Variants in EPB41L4A observed in about 807,000 individuals in gnomAD.
EPB41L4A encodes erythrocyte membrane protein band 4.1 like 4A, also known as band 4.1-like protein 4A.
In EPB41L4A, 100 loss-of-function variants were observed where a neutral mutation model predicts 108.6. That is an observed-to-expected ratio of 0.92 (90% confidence interval 0.78 to 1.09). The LOEUF is 1.09. Ranked by LOEUF, EPB41L4A falls within the 50% of genes least tolerant of loss-of-function variation. The probability of loss-of-function intolerance (pLI) is 0.00; values close to 1 mark genes in which losing one functional copy is unlikely to be tolerated. For missense variants in EPB41L4A, 1,030 were observed against 842.7 expected, an observed-to-expected ratio of 1.22 and a Z score of -2.75; for synonymous variants, 319 against 289.0, an observed-to-expected ratio of 1.10 and a Z score of -1.05.
At chr5:112,346,121 A>G (rs1757646347) in intron 1 of EPB41L4A, among the ~76,000 whole-genome samples, 1 of 150,672 alleles carries the variant, frequency 6.6e-6, no homozygotes, top group African/African-American at 2.4e-5. Context: ...TCGTTTTGGG[A>G]TGCCACATCA....
At chr5:112,237,732 A>G (rs894169544) in intron 11 of EPB41L4A, among the ~76,000 whole-genome samples, 1 of 152,182 alleles carries the variant, frequency 6.6e-6, no homozygotes, top group African/African-American at 2.4e-5. Context: ...GACAATAAAC[A>G]GTCTGTGTGC....
At chr5:112,225,770 C>G (rs1748405739) in intron 12 of EPB41L4A, among the ~76,000 whole-genome samples, 2 of 152,190 alleles carry the variant, frequency 1.3e-5, no homozygotes, top group East Asian at 3.8e-4. Context: ...ATACCATATC[C>G]TGGAGATCAT....
chr5:112,150,210 G>C (rs1759412951), intron 12 of EPB41L4A, among the ~76,000 whole-genome samples: 2 of 152,014 alleles, frequency 1.3e-5, no homozygotes, highest in Non-Finnish European at 2.9e-5. Flanking sequence ...AAACATAAAG[G>C]CTTTCTAGAG....
At chr5:112,198,183 C>A (rs886820779) in intron 15 of EPB41L4A, among the ~76,000 whole-genome samples, 3 of 151,968 alleles carry the variant, frequency 2.0e-5, no homozygotes, top group African/African-American at 7.3e-5. Flanking sequence ...TACAGGCATG[C>A]ACCACCACGC....
chr5:112,144,071 G>T (rs927728207), intron 13 of EPB41L4A, among the ~76,000 whole-genome samples: 7 of 152,212 alleles, frequency 4.6e-5, no homozygotes, highest in African/African-American at 1.7e-4. Flanking sequence ...CAGAATTCAG[G>T]GCTCTGTGCC....
chr5:112,337,625 C>T (rs1310150837), intron 1 of EPB41L4A, among the ~76,000 whole-genome samples: 1 of 152,140 alleles, frequency 6.6e-6, no homozygotes, highest in Non-Finnish European at 1.5e-5. Context: ...CCCCCGAGTT[C>T]ATATTCCCTG....
intron 12 of EPB41L4A, among the ~76,000 whole-genome samples, chr5:112,210,392 TCAAAC>T (rs1762679505): frequency 1.3e-5 from 2 of 152,036 alleles, no homozygotes. Flanking sequence ...CCATTTGAAA[TCAAAC>T]CAAACAAAAA....
At chr5:112,236,622 C>A (rs1749354333) in intron 11 of EPB41L4A, among the ~76,000 whole-genome samples, 1 of 152,172 alleles carries the variant, frequency 6.6e-6, no homozygotes, top group Admixed American at 6.5e-5. Flanking sequence ...TCTGTTACGA[C>A]AGGACACAGT....
At chr5:112,303,580 G>A (rs1338625015) in intron 2 of EPB41L4A, among the ~76,000 whole-genome samples, 1 of 151,888 alleles carries the variant, frequency 6.6e-6, no homozygotes, top group Non-Finnish European at 1.5e-5. Context: ...TGAAGAGAGA[G>A]AAACAAAAAG....
At chr5:112,329,686 T>C (rs1008375941) in intron 1 of EPB41L4A, among the ~76,000 whole-genome samples, 1 of 152,108 alleles carries the variant, frequency 6.6e-6, no homozygotes, top group Non-Finnish European at 1.5e-5. Context: ...ACAATACAAC[T>C]CTAATCCCAG....
intron 17 of EPB41L4A, among the ~76,000 whole-genome samples, chr5:112,186,391 A>C (rs1669752741): frequency 6.6e-6 from 1 of 152,218 alleles, no homozygotes; most frequent in Non-Finnish European, 1.5e-5. Context: ...CTCTGATGAT[A>C]AAAAATTAAA....
intron 2 of EPB41L4A, among the ~76,000 whole-genome samples, chr5:112,285,689 T>A (rs2150520968): frequency 6.6e-6 from 1 of 152,290 alleles, no homozygotes; most frequent in Non-Finnish European, 1.5e-5. Context: ...TGATGGACCA[T>A]GTGGCTTCTC....
At chr5:112,273,842 C>T (rs1752432750) in intron 4 of EPB41L4A, among the ~76,000 whole-genome samples, 1 of 151,992 alleles carries the variant, frequency 6.6e-6, no homozygotes, top group Non-Finnish European at 1.5e-5. Flanking sequence ...ATGAAAATAC[C>T]ATCCCTCCCC....
Position 112,164,991 on chromosome 5 carries a change from C to T in EPB41L4A, c.2060G>A (p.Ter687=), listed in dbSNP as rs1490511513. The T allele has an allele frequency of 6.2e-7, 1 of 1,612,280 alleles. No individual in the cohort carries two copies. The highest frequency in any genetic ancestry group is 1.1e-5 in the South Asian group (1 of 90,450). The stretch of plus-strand genomic sequence containing the variant: ...CCTACCCTTGACCCTTCATCAGGAT[C>T]AAGTCTCTGTCTTGAGGCGGGAAGC... ...IQASRLKTET[*] is the part of the protein sequence containing the mutation. Residue 687 remains the stop codon, a stop_retained_variant, in exon 23 of 23, where the codon TGA becomes TAA. Coordinates refer to ENST00000261486, the MANE Select transcript of EPB41L4A (RefSeq NM_022140.5).
intron 9 of EPB41L4A, among the ~76,000 whole-genome samples, chr5:112,242,897 A>C (rs944563136): frequency 2.0e-5 from 3 of 152,086 alleles, no homozygotes; most frequent in Non-Finnish European, 4.4e-5. Context: ...TGAGCAGTAG[A>C]TATCAACATT....
chr5:112,177,596 T>A (rs1561451716), intron 18 of EPB41L4A, among the ~76,000 whole-genome samples: 2 of 152,230 alleles, frequency 1.3e-5, no homozygotes, highest in East Asian at 3.8e-4. Context: ...TTTCTTTATA[T>A]AAAAACTCAC....
At chr5:112,249,509 A>C (rs1475456946) in intron 9 of EPB41L4A, 1 of 152,188 alleles carries the variant, frequency 6.6e-6, no homozygotes, top group East Asian at 1.9e-4. Context: ...ATAGTTTTAA[A>C]AATTAAACTA....
At chr5:112,292,114 C>T (rs182600341) in intron 2 of EPB41L4A, among the ~76,000 whole-genome samples, 185 of 152,248 alleles carry the variant, frequency 1.2e-3, no homozygotes, top group Non-Finnish European at 2.2e-3. Context: ...TATGGTCTGT[C>T]TCACCCCTGG....
At chr5:112,361,122 GTGTC>G (rs751758246) in intron 1 of EPB41L4A, among the ~76,000 whole-genome samples, 12 of 152,232 alleles carry the variant, frequency 7.9e-5, no homozygotes, top group Non-Finnish European at 1.6e-4. Context: ...GATTGTTACT[GTGTC>G]TGTGTGGAAA....
Sources: allele counts gnomAD v4.1 joint callset (sites outside exome capture counted in the v4.1 genomes callset), GRCh38; gene constraint gnomAD v4.1.1; transcripts MANE v1.5; gene names NCBI Gene and HGNC (gene_info 2026-07-23, HGNC 2026-07-21).